Variants in GPHN observed in about 807,000 individuals in gnomAD.
The protein encoded by GPHN is gephyrin.
In GPHN, 17 loss-of-function variants were observed where a neutral mutation model predicts 95.5. That is an observed-to-expected ratio of 0.18 (90% CI 0.12 to 0.27). GPHN has a LOEUF of 0.27. GPHN is among the 10% of genes least tolerant of loss of function. The pLI is 1.00. For missense variants in GPHN, 660 were observed against 978.1 expected (o/e 0.67, Z 4.34); for synonymous variants, 320 against 322.5 (o/e 0.99, Z 0.08).
At chr14:67,473,527 G>A in the GPHN span, 1 of 1,614,136 alleles carries the variant, frequency 6.2e-7, no homozygotes, top group Non-Finnish European at 8.5e-7. The surrounding 1 kb of genome is among the most constrained non-coding windows in gnomAD (Gnocchi z 6.5). Flanking sequence ...ATGATGAACT[G>A]CTCCATGATG....
At chr14:66,753,633 T>C (rs2058452295) in intron 2 of GPHN, among the ~76,000 whole-genome samples, 1 of 152,098 alleles carries the variant, frequency 6.6e-6, no homozygotes, top group South Asian at 2.1e-4. Flanking sequence ...TTTTATTTAT[T>C]AGACTGCCTT....
chr14:67,067,458 G>A (rs929251728), intron 11 of GPHN, among the ~76,000 whole-genome samples: 2 of 152,164 alleles, frequency 1.3e-5, no homozygotes, highest in African/African-American at 2.4e-5. Flanking sequence ...CTCAAACGAC[G>A]TGCTGGTAGA....
the GPHN span, chr14:67,600,377 C>T: frequency 1.4e-5 from 8 of 559,166 alleles, no homozygotes; most frequent in Non-Finnish European, 2.1e-5. Flanking sequence ...GTTGTGCGTT[C>T]TTCCGGGCCG....
the GPHN span, chr14:67,387,591 T>TA: frequency 1.1e-6 from 1 of 912,086 alleles, no homozygotes; most frequent in Admixed American, 3.2e-5. Flanking sequence ...GGTTTACAGT[T>TA]AGAGAATCCT....
chr14:67,672,592 G>A, the GPHN span, among the ~76,000 whole-genome samples: 2 of 151,322 alleles, frequency 1.3e-5, no homozygotes, highest in Non-Finnish European at 2.9e-5. Context: ...ACAGGCAACT[G>A]ACACCATGCC....
chr14:66,826,919 A>T (rs764951835), intron 4 of GPHN, among the ~76,000 whole-genome samples: 25 of 152,104 alleles, frequency 1.6e-4, no homozygotes, highest in Non-Finnish European at 2.9e-4. Flanking sequence ...CAATGACCAG[A>T]CCAGCCCCAT....
chr14:67,188,619 C>G, the GPHN span, among the ~76,000 whole-genome samples: 1 of 152,146 alleles, frequency 6.6e-6, no homozygotes, highest in South Asian at 2.1e-4. Context: ...AGATGGCACT[C>G]AACATAGAAT....
At chr14:67,013,981 C>T (rs1365258708) in intron 9 of GPHN, among the ~76,000 whole-genome samples, 2 of 151,850 alleles carry the variant, frequency 1.3e-5, no homozygotes, top group African/African-American at 4.8e-5. Flanking sequence ...GTATCTATTC[C>T]TTGGCCTCTA....
chr14:67,338,348 G>A, the GPHN span: 1 of 314,906 alleles, frequency 3.2e-6, no homozygotes, highest in Non-Finnish European at 5.8e-6. Flanking sequence ...AGCAGATCAC[G>A]TGTAACACAG....
chr14:66,896,099 A>G (rs1287399945), intron 5 of GPHN, among the ~76,000 whole-genome samples: 1 of 152,122 alleles, frequency 6.6e-6, no homozygotes, highest in Non-Finnish European at 1.5e-5. Flanking sequence ...TTATAAGGGC[A>G]CTAATACCAC....
chr14:66,941,912 A>G (rs1021282485), intron 8 of GPHN, among the ~76,000 whole-genome samples: 9 of 152,228 alleles, frequency 5.9e-5, no homozygotes, highest in Non-Finnish European at 4.4e-5. Context: ...GTTTCCATGA[A>G]TCTGAAAAAT....
At chr14:67,508,135 C>CAAAAAAAAAAA in the GPHN span, among the ~76,000 whole-genome samples, 6 of 130,630 alleles carry the variant, frequency 4.6e-5, no homozygotes, top group African/African-American at 1.5e-4. Context: ...AACTCCATCT[C>CAAAAAAAAAAA]AAAAAAAAAA....
chr14:67,413,009 G>A, the GPHN span, among the ~76,000 whole-genome samples: 3 of 151,982 alleles, frequency 2.0e-5, no homozygotes, highest in African/African-American at 4.8e-5. Flanking sequence ...GCAATCCTCC[G>A]GCCTGGGCTT....
the GPHN span, among the ~76,000 whole-genome samples, chr14:67,244,126 T>A: frequency 6.6e-6 from 1 of 152,244 alleles, no homozygotes; most frequent in African/African-American, 2.4e-5. Flanking sequence ...TTTTCTTTTT[T>A]AATAACTACT....
At chr14:66,535,239 A>C (rs2139996121) in intron 1 of GPHN, among the ~76,000 whole-genome samples, 1 of 152,242 alleles carries the variant, frequency 6.6e-6, no homozygotes, top group Non-Finnish European at 1.5e-5. Context: ...TTTGAAAAAA[A>C]AATTGCCCTT....
chr14:66,964,218 ATAATAATAACAG>A (rs2069158492), intron 8 of GPHN, among the ~76,000 whole-genome samples: 1 of 131,512 alleles, frequency 7.6e-6, no homozygotes, highest in African/African-American at 2.5e-5. Context: ...GTTGATAAGT[ATAATAATAACAG>A]TAATAATAAC....
chr14:67,519,645 G>A, the GPHN span, among the ~76,000 whole-genome samples: 93 of 151,948 alleles, frequency 6.1e-4, no homozygotes, highest in Admixed American at 1.6e-3. Context: ...CCCAAACAGC[G>A]AAAGTCCAGG....
At chr14:66,720,229 TAAAGAGTA>T (rs1438986033) in intron 2 of GPHN, among the ~76,000 whole-genome samples, 1 of 152,122 alleles carries the variant, frequency 6.6e-6, no homozygotes, top group Non-Finnish European at 1.5e-5. Flanking sequence ...TGTCTAAAAA[TAAAGAGTA>T]AAGGAATATG....
chr14:66,608,894 C>T (rs2062661608), intron 1 of GPHN, among the ~76,000 whole-genome samples: 2 of 152,100 alleles, frequency 1.3e-5, no homozygotes, highest in African/African-American at 2.4e-5. Flanking sequence ...TGAGATGCAT[C>T]TTCTTGAAGA....
Sources: gnomAD v4.1 joint callset for allele counts (sites outside exome capture counted in the v4.1 genomes callset) on GRCh38, gnomAD v4.1.1 for gene constraint, Gnocchi (gnomAD v3.1) non-coding constraint, MANE v1.5 for transcripts, NCBI Gene and HGNC (gene_info 2026-07-23, HGNC 2026-07-21) for gene names.